ZNF605: variants seen among roughly 807,000 people sequenced by gnomAD.
ZNF605 encodes zinc finger protein 605.
In ZNF605, 9 loss-of-function variants were observed where a neutral mutation model predicts 7.9. The ratio of observed to expected loss-of-function variants is 1.14; its 90% CI spans 0.68 to 1.98. ZNF605 has a LOEUF of 1.98. ZNF605 is among the 30% of genes most tolerant of loss of function. ZNF605 has a pLI of 0.00. For missense variants in ZNF605, 673 were observed against 762.4 expected, an observed-to-expected ratio of 0.88 and a Z score of 1.38; for synonymous variants, 255 against 260.1, an observed-to-expected ratio of 0.98 and a Z score of 0.19.
At position 132,923,345 on chromosome 12, in the gene ZNF605, T is replaced by A. The variant is rs182906941; in HGVS notation, c.*2028A>T. 4 of 152,330 alleles carry A rather than the reference T, an allele frequency of 2.6e-5. No individual in the cohort carries two copies. In the East Asian group the frequency reaches 7.7e-4, roughly 29 times the overall value. The allele number at this position is 152,330 out of a possible 1,614,324, so 9.4% of individuals were successfully genotyped here. On this transcript the variant is annotated 3_prime_UTR_variant, in exon 5 of 5. Coordinates refer to ENST00000360187, the MANE Select transcript of ZNF605 (RefSeq NM_183238.4). The stretch of plus-strand genomic sequence containing the variant: ...ATTATTTTCCTGCTGCCCTCAAACA[T>A]CCTTTAATGTTTCCCAAAGACAGGT...
rs749862479 is a variant in ZNF605, at chr12:132,925,799, A to G, written c.1500T>C (p.Thr500=). The change falls in exon 5 of 5, where the codon ACT becomes ACC. Residue 500 remains threonine, a synonymous_variant. Transcript: ENST00000360187. ...CACTACATTCAAAGGGCTTTTCTCC[A>G]GTATGGGTTCTCTGATGATGAATGA... is the stretch of plus-strand genomic sequence containing the variant. The part of the protein sequence containing the change: ...SSLIHHQRTH[T]GEKPFECSEC... 5.0e-6 allele frequency: 8 copies of G among 1,614,122 alleles called. No individual in the cohort carries two copies. In the East Asian group the frequency reaches 1.8e-4, roughly 36 times the overall value.
intron 3 of ZNF605, among the ~76,000 whole-genome samples, chr12:132,943,501 G>A (rs1952467047): frequency 6.6e-6 from 1 of 152,178 alleles, no homozygotes; most frequent in African/African-American, 2.4e-5. Context: ...TGGTCTTTGA[G>A]GGGAGCTGCA....
In ZNF605 at chr12:132,933,143, C is replaced by T; in HGVS notation, c.28G>A (p.Asp10Asn). 3 of 1,607,954 alleles carry T rather than the reference C, an allele frequency of 1.9e-6. No individual in the cohort carries two copies. The highest frequency in any genetic ancestry group is 1.1e-5 in the South Asian group (1 of 90,210). MIQSQISFE[D>N]VAVDFTLEEW... ...TCCAGCGTGAAATCCACAGCCACATCCTCAAATGATATCTGGAAAAGCATA... is the reference window on the plus strand; with the variant it reads ...TCCAGCGTGAAATCCACAGCCACATTCTCAAATGATATCTGGAAAAGCATA... The change falls in exon 4 of 5, where the codon GAT becomes AAT. Residue 10 changes from aspartate to asparagine, a missense_variant. Coordinates refer to ENST00000360187, the MANE Select transcript of ZNF605 (RefSeq NM_183238.4). This position sits in a 1 kb window ranked among gnomAD's most constrained non-coding sequence, Gnocchi z 4.4.
intron 1 of ZNF605, among the ~76,000 whole-genome samples, 160 bp downstream of exon 1, chr12:132,956,083 G>T (rs1952634707): frequency 1.3e-5 from 2 of 149,496 alleles, no homozygotes. Context: ...GCCCAGGCCG[G>T]TCCGCAGGCC....
rs1191170730 is a variant in ZNF605, at chr12:132,926,008, A to T, written c.1291T>A (p.Phe431Ile). ...YGCIQCGKTF[F>I]GKSQLLTHHR... Reference sequence around the variant, plus strand: ...TGCGTTAGGAGCTGGGACTTCCCAAAGAAGGTTTTCCCACATTGAATGCAT... The same window carrying T: ...TGCGTTAGGAGCTGGGACTTCCCAATGAAGGTTTTCCCACATTGAATGCAT... The change falls in exon 5 of 5, where the codon TTT (phenylalanine) becomes ATT (isoleucine). Residue 431 changes from phenylalanine to isoleucine, a missense_variant. By Grantham distance (21) the Phe-to-Ile change is conservative. Transcript: ENST00000360187. 7 of 1,613,902 alleles carry T rather than the reference A, an allele frequency of 4.3e-6. No homozygotes were observed. The highest frequency in any genetic ancestry group is 5.1e-6 in the Non-Finnish European group (6 of 1,179,996).
intron 3 of ZNF605, among the ~76,000 whole-genome samples, chr12:132,940,461 G>A (rs1268193523): frequency 6.6e-6 from 1 of 152,170 alleles, no homozygotes; most frequent in Non-Finnish European, 1.5e-5. Context: ...AACGGACGTG[G>A]TGTACAGCCA....
chr12:132,955,963 C>A (rs1952632354), intron 1 of ZNF605, among the ~76,000 whole-genome samples: 1 of 151,652 alleles, frequency 6.6e-6, no homozygotes, highest in African/African-American at 2.4e-5. Flanking sequence ...CCCCCGACAC[C>A]CACATTCAGC....
At chr12:132,932,570 T>C (rs1952318785) in intron 4 of ZNF605, 1 of 581,104 alleles carries the variant, frequency 1.7e-6, no homozygotes, top group South Asian at 2.5e-5. Context: ...CCATTAAAAC[T>C]CATGTCACCA....
Position 132,926,130 on chromosome 12 carries a change from T to C in ZNF605, c.1169A>G (p.Glu390Gly). 1 of 1,614,242 alleles carries C rather than the reference T, an allele frequency of 6.2e-7. No individual in the cohort carries two copies. The change falls in exon 5 of 5, where the codon GAG (glutamate) becomes GGG (glycine). Residue 390 changes from glutamate (E) to glycine (G), a missense_variant. Coordinates refer to ENST00000360187, the MANE Select transcript of ZNF605 (RefSeq NM_183238.4). Reference protein sequence around the residue: ...LIKHQITHTGEKNYRCSDCEE... With the variant: ...LIKHQITHTGGKNYRCSDCEE... ...ACAATCACTGCATCGATAGTTCTTC[T>C]CTCCTGTGTGAGTTATCTGATGTTT...
In ZNF605 at chr12:132,924,638, G is replaced by C. The variant is rs1183525182; in HGVS notation, c.*735C>G. The C allele has an allele frequency of 6.6e-6, 1 of 152,298 alleles. No individual in the cohort carries two copies. The highest frequency in any genetic ancestry group is 1.9e-4 in the East Asian group (1 of 5,206). 9.4% of individuals were successfully genotyped at this position (152,298 alleles called of 1,614,324 possible). On this transcript the variant is annotated 3_prime_UTR_variant, in exon 5 of 5. Transcript: ENST00000360187. ...CCTAGGAACTGCCATGCGGGGGCAG[G>C]CTGAGAAACCATGGTGCTCACCTCA... is the stretch of plus-strand genomic sequence containing the variant.
chr12:132,938,190 C>T (rs1952388342), intron 3 of ZNF605, among the ~76,000 whole-genome samples: 1 of 152,144 alleles, frequency 6.6e-6, no homozygotes, highest in South Asian at 2.1e-4. Flanking sequence ...CCCTGTTAGC[C>T]TGGATGATCT....
rs903573608 is a variant in ZNF605, at chr12:132,922,315, A to C, written c.*3058T>G. 6.6e-6 allele frequency: 1 copy of C among 152,242 alleles called. No individual in the cohort carries two copies. Among genetic ancestry groups the C allele is most frequent in the African/African-American group, 2.4e-5 (1 of 41,468 alleles). The allele number at this position is 152,242 out of a possible 1,614,324, so 9.4% of individuals were successfully genotyped here. A position where few individuals can be genotyped will look rare whatever the true frequency, so the allele number is the denominator to read the frequency against. On this transcript the variant is annotated 3_prime_UTR_variant, in exon 5 of 5. Coordinates refer to ENST00000360187, the MANE Select transcript of ZNF605 (RefSeq NM_183238.4). ...CCCAGAGGTAGTAAAAGACTTCATA[A>C]GTCTTTCTATTACTGAAGAGGAGCT...
chr12:132,926,034 C>A lies in ZNF605; in HGVS notation c.1265G>T (p.Gly422Val). The A allele has an allele frequency of 6.2e-7, 1 of 1,614,152 alleles. No individual in the cohort carries two copies. The highest frequency in any genetic ancestry group is 2.2e-5 in the East Asian group (1 of 44,870). The change falls in exon 5 of 5, where the codon GGA (glycine) becomes GTA (valine). Residue 422 changes from glycine to valine, a missense_variant. Physicochemically the swap from Gly to Val is moderately radical, Grantham distance 109 (BLOSUM62 -3). Coordinates refer to ENST00000360187, the MANE Select transcript of ZNF605 (RefSeq NM_183238.4). ...QKIHLGEKPY[G>V]CIQCGKTFFG... ...GAAGGTTTTCCCACATTGAATGCAT[C>A]CATATGGTTTCTCTCCTAAGTGAAT...
At chr12:132,952,375 C>A (rs1231150892) in intron 1 of ZNF605, among the ~76,000 whole-genome samples, 1 of 148,588 alleles carries the variant, frequency 6.7e-6, no homozygotes, top group Non-Finnish European at 1.5e-5. Context: ...GCGGAAGAAT[C>A]ACTGGAACCC....
intron 3 of ZNF605, among the ~76,000 whole-genome samples, chr12:132,939,395 C>A (rs1294492783): frequency 6.6e-6 from 1 of 151,688 alleles, no homozygotes; most frequent in Non-Finnish European, 1.5e-5. Context: ...ATACACCAAT[C>A]GGCACTCTGT....
intron 3 of ZNF605, chr12:132,945,271 T>C: frequency 3.9e-6 from 3 of 776,378 alleles, no homozygotes; most frequent in Admixed American, 2.2e-5. Context: ...GCTGAGACTT[T>C]TGTATGTTTC....
Position 132,926,639 on chromosome 12 carries a change from T to C in ZNF605, c.660A>G (p.Ser220=). ...CGCTGCACCCATGCGGTTTTTCTCC[T>C]GAGTGAGTTCTTTGATGAACCGTGA... ...SLLTVHQRTH[S]GEKPHGCSEC... is the part of the protein sequence containing the mutation. The change falls in exon 5 of 5, where the codon TCA becomes TCG. Residue 220 remains serine, a synonymous_variant. Transcript: ENST00000360187. The C allele has an allele frequency of 1.2e-6, 2 of 1,614,196 alleles. No individual in the cohort carries two copies. The highest frequency in any genetic ancestry group is 1.1e-5 in the South Asian group (1 of 91,090).
chr12:132,927,390 G>A (rs1266547457), intron 4 of ZNF605, among the ~76,000 whole-genome samples: 8 of 152,054 alleles, frequency 5.3e-5, no homozygotes, highest in Non-Finnish European at 1.0e-4. Flanking sequence ...TTTTTGAGAT[G>A]GAGTCTCGTG....
rs530671341 is a variant in ZNF605, at chr12:132,942,628, C to G, written c.15+2993G>C. 2.5e-3 allele frequency among the ~76,000 whole-genome samples: 374 copies of G among 152,324 alleles called. 5 individuals carry two copies. In the South Asian group the frequency reaches 0.033, roughly 14 times the overall value. On this transcript the variant is annotated intron_variant, in intron 3 of 4. Transcript: ENST00000360187. ...CTGAGGCGTGCGTGCCCGGCTGGGG[C>G]ACCTGACCTTGTGAATTCGTTGTTT... is the stretch of plus-strand genomic sequence containing the variant.
Sources: gnomAD v4.1 joint callset for allele counts (sites outside exome capture counted in the v4.1 genomes callset) on GRCh38, gnomAD v4.1.1 for gene constraint, Gnocchi (gnomAD v3.1) non-coding constraint, MANE v1.5 for transcripts, NCBI Gene and HGNC (gene_info 2026-07-23, HGNC 2026-07-21) for gene names.